Variants in SAMSN1 observed in about 807,000 individuals in gnomAD.
SAMSN1 encodes SAM domain-containing protein SAMSN-1.
Under a neutral mutation model 42.0 loss-of-function variants are expected in SAMSN1, and 31 were observed. The observed-to-expected ratio is 0.74, with a 90% CI of 0.55 to 1.00. The LOEUF is 1.00. Among genes scored for constraint, SAMSN1 ranks in the 50% least tolerant of loss-of-function variants. SAMSN1 has a pLI of 0.00. For missense variants in SAMSN1, 464 were observed against 439.4 expected (o/e 1.06, Z -0.50); for synonymous variants, 178 against 151.9 (o/e 1.17, Z -1.26).
At chr21:14,493,884 T>C (rs908633133) in intron 7 of SAMSN1, among the ~76,000 whole-genome samples, 1 of 152,124 alleles carries the variant, frequency 6.6e-6, no homozygotes, top group Non-Finnish European at 1.5e-5. Flanking sequence ...CTTGCTGGGA[T>C]TGCAGAACCC....
upstream of SAMSN1, among the ~76,000 whole-genome samples, chr21:14,584,574 CTT>C (rs1051326560): frequency 3.3e-5 from 5 of 152,102 alleles, no homozygotes; most frequent in African/African-American, 1.2e-4. Flanking sequence ...GAAATTAACT[CTT>C]TGTGTGCTAA....
At chr21:14,552,664 T>C (rs1231657199) in intron 2 of SAMSN1, among the ~76,000 whole-genome samples, 1 of 152,136 alleles carries the variant, frequency 6.6e-6, no homozygotes, top group African/African-American at 2.4e-5. Flanking sequence ...GTTTATGGTA[T>C]TTTATTATAG....
chr21:14,557,709 C>G (rs180901573), intron 2 of SAMSN1, among the ~76,000 whole-genome samples: 104 of 152,336 alleles, frequency 6.8e-4, no homozygotes, highest in African/African-American at 2.4e-3. Context: ...ACACTCTTTT[C>G]CATCACCAGG....
rs945773330 is a variant in SAMSN1 at position 14,624,871 on chromosome 21, A to T, written c.157-8855T>A. ...ATCCTTGATGAACATCGATGTAAAA[A>T]TCCTCAATAAAATAGTGGCAAACCG... On this transcript the variant is annotated intron_variant, in intron 2 of 15. Transcript: ENST00000647101. Among the ~76,000 whole-genome samples, 17 of 152,330 alleles carry T rather than the reference A, an allele frequency of 1.1e-4. No individual in the cohort carries two copies. In the East Asian group the frequency reaches 2.1e-3, roughly 19 times the overall value.
chr21:14,527,265 G>A (rs910525455), intron 1 of SAMSN1, among the ~76,000 whole-genome samples: 11 of 152,092 alleles, frequency 7.2e-5, no homozygotes, highest in African/African-American at 2.2e-4. Flanking sequence ...AAAGACACTC[G>A]AGGATTTAAT....
chr21:14,546,330 G>T, upstream of SAMSN1: 3 of 1,603,666 alleles, frequency 1.9e-6, no homozygotes, highest in Non-Finnish European at 8.5e-7. Context: ...ACAGTCAGCA[G>T]TGTGCTGTCT....
At chr21:14,522,671 AC>A (rs1424243956) in intron 1 of SAMSN1, among the ~76,000 whole-genome samples, 1 of 152,222 alleles carries the variant, frequency 6.6e-6, no homozygotes, top group Admixed American at 6.5e-5. Flanking sequence ...CATCACAAAA[AC>A]ATCATCAAAT....
At chr21:14,537,077 A>G (rs1220678594) in intron 1 of SAMSN1, among the ~76,000 whole-genome samples, 3 of 152,224 alleles carry the variant, frequency 2.0e-5, no homozygotes, top group African/African-American at 4.8e-5. Context: ...AGATTCTGTC[A>G]CTTCTCAAAC....
chr21:14,618,039 A>T (rs1227231490), intron 2 of SAMSN1, among the ~76,000 whole-genome samples: 1 of 152,202 alleles, frequency 6.6e-6, no homozygotes, highest in Admixed American at 6.5e-5. Flanking sequence ...ACTGAGATTA[A>T]AGTAATTTCC....
chr21:14,528,937 A>G (rs940880229), intron 1 of SAMSN1, among the ~76,000 whole-genome samples: 5 of 152,190 alleles, frequency 3.3e-5, no homozygotes, highest in African/African-American at 1.2e-4. Context: ...CCTCTGAGTT[A>G]GGCATTAACT....
chr21:14,521,336 TA>T (rs1319796000), intron 1 of SAMSN1, 115 bp from the exon 2 acceptor site: 3 of 635,934 alleles, frequency 4.7e-6, no homozygotes, highest in African/African-American at 3.7e-5. Context: ...ATACAGGCTT[TA>T]AAAAGCTCTT....
intron 1 of SAMSN1, among the ~76,000 whole-genome samples, chr21:14,545,688 A>G (rs1047898634): frequency 1.3e-5 from 2 of 152,150 alleles, no homozygotes; most frequent in African/African-American, 2.4e-5. Flanking sequence ...TTAGTTCGAG[A>G]GAATAGCAAA....
intron 2 of SAMSN1, among the ~76,000 whole-genome samples, chr21:14,520,687 A>G (rs1030221146): frequency 6.6e-6 from 1 of 152,094 alleles, no homozygotes; most frequent in South Asian, 2.1e-4. Flanking sequence ...GATGAAGCCC[A>G]CCCTTTCCCA....
At chr21:14,612,565 G>T (rs1232850128) in intron 4 of SAMSN1, 2 of 491,766 alleles carry the variant, frequency 4.1e-6, no homozygotes, top group Non-Finnish European at 8.1e-6. Context: ...TCTCTAACAA[G>T]TCACCTTGAC....
At chr21:14,509,985 A>C (rs1274891823) in intron 5 of SAMSN1, among the ~76,000 whole-genome samples, 1 of 151,508 alleles carries the variant, frequency 6.6e-6, no homozygotes, top group South Asian at 2.1e-4. Context: ...TAAAAATACA[A>C]AAAATTAGCC....
chr21:14,553,500 G>A (rs934319829), intron 2 of SAMSN1, among the ~76,000 whole-genome samples: 23 of 152,080 alleles, frequency 1.5e-4, no homozygotes, highest in Admixed American at 2.6e-4. Flanking sequence ...GTTGTTCTCC[G>A]TTGAGGATAG....
intron 1 of SAMSN1, among the ~76,000 whole-genome samples, chr21:14,657,080 T>C (rs185020131): frequency 6.6e-6 from 1 of 151,878 alleles, no homozygotes; most frequent in East Asian, 1.9e-4. Context: ...TTTTCAAAGG[T>C]TATAACAGCA....
At position 14,582,137 on chromosome 21, in the gene SAMSN1, C is replaced by T. The variant is rs190362907; in HGVS notation, c.260G>A (p.Trp87Ter). 1.9e-4 allele frequency: 287 copies of T among 1,540,940 alleles called. No individual in the cohort carries two copies. Among genetic ancestry groups the T allele is most frequent in the Non-Finnish European group, 2.3e-4 (265 of 1,141,132 alleles). The change falls in exon 2 of 9, where the codon TGG (tryptophan) becomes TAG (stop). Residue 87 changes from tryptophan (W) to a stop codon, truncating the protein, a stop_gained and splice_region_variant. Coordinates refer to the SAMSN1 transcript ENST00000285670. LOFTEE classifies it high-confidence loss of function. ...CATTTCCGTAGTCTGCAAACTTACC[C>T]ATGAATGTAGGAGATCCATATCTGA... is the stretch of plus-strand genomic sequence containing the variant.
At chr21:14,641,909 C>T (rs1983607598) in intron 2 of SAMSN1, among the ~76,000 whole-genome samples, 1 of 152,110 alleles carries the variant, frequency 6.6e-6, no homozygotes, top group Non-Finnish European at 1.5e-5. Context: ...CTACTATTGA[C>T]TGGAAGACTT....
Sources: allele counts gnomAD v4.1 joint callset (sites outside exome capture counted in the v4.1 genomes callset), GRCh38; gene constraint gnomAD v4.1.1; transcripts MANE v1.5; gene names NCBI Gene and HGNC (gene_info 2026-07-23, HGNC 2026-07-21).